The following CHD2 variants were observed in gnomAD, a reference collection of about 807,000 sequenced individuals.
CHD2 encodes the protein chromodomain helicase DNA binding protein 2, also known as ATP-dependent chromatin remodeler CHD2.
In CHD2, 28 loss-of-function variants were observed where a neutral mutation model predicts 243.9. The ratio of observed to expected loss-of-function variants is 0.11; its 90% CI spans 0.09 to 0.16. The LOEUF (loss-of-function observed/expected upper bound fraction) is 0.16. CHD2 is among the 10% of genes least tolerant of loss of function. The probability of loss-of-function intolerance (pLI) is 1.00; values close to 1 mark genes in which losing one functional copy is unlikely to be tolerated. For synonymous variants in CHD2, 775 were observed against 779.0 expected (o/e 0.99, Z 0.09); for missense variants, 1,386 against 2,209.8 (o/e 0.63, Z 7.47).
At position 93,015,235 on chromosome 15, in the gene CHD2, C is replaced by G. The variant is rs528614590; in HGVS notation, c.4906+326C>G. On this transcript the variant is annotated intron_variant, in intron 37 of 38. Transcript: ENST00000394196. ...CTGGGATTACAGATGTGCACCACCA[C>G]GCTGAGCTAATTTTTAAATTTTTAG... Among the ~76,000 whole-genome samples the G allele has an allele frequency of 2.0e-5, 3 of 152,234 alleles. No homozygotes were observed. In the South Asian group the frequency reaches 6.2e-4, roughly 32 times the overall value.
chr15:93,002,909 T>C (rs1264164693), intron 33 of CHD2, among the ~76,000 whole-genome samples: 1 of 152,198 alleles, frequency 6.6e-6, no homozygotes, highest in East Asian at 1.9e-4. Context: ...TCTAATAGAT[T>C]TCTTGATAAG....
At position 92,942,855 on chromosome 15, in the gene CHD2, C is replaced by T; in HGVS notation, c.839C>T (p.Ser280Phe). The T allele has an allele frequency of 6.2e-7, 1 of 1,610,428 alleles. No homozygotes were observed. The highest frequency in any genetic ancestry group is 1.1e-5 in the South Asian group (1 of 90,450). Residue 280 changes from serine to phenylalanine, a missense_variant, in exon 9 of 39, where the codon TCT becomes TTT. Coordinates refer to ENST00000394196, the MANE Select transcript of CHD2 (RefSeq NM_001271.4). ...RLGKKGATGA[S>F]TTVYAIEANG... ...AATCCTTTTGCAGCCACTGGAGCAT[C>T]TACTACTGTATATGCGATTGAAGCT...
At chr15:92,912,053 G>A (rs932580880) in intron 2 of CHD2, among the ~76,000 whole-genome samples, 4 of 152,254 alleles carry the variant, frequency 2.6e-5, no homozygotes, top group South Asian at 2.1e-4. Context: ...TGGAGGCCTC[G>A]GAACTTCACC....
At chr15:92,929,226 A>G in intron 5 of CHD2, 135 bp downstream of exon 5, 3 of 758,206 alleles carry the variant, frequency 4.0e-6, no homozygotes, top group South Asian at 3.6e-5. Context: ...AGCTCGGGTG[A>G]CTGTCTACCT....
intron 21 of CHD2, 24 bp from the exon 22 acceptor site, chr15:92,979,111 G>A (rs1214248965): frequency 1.9e-6 from 3 of 1,612,498 alleles, no homozygotes; most frequent in African/African-American, 1.3e-5. Context: ...TCAGGCATAA[G>A]CATAACAGTT....
chr15:92,978,988 TGG>T, intron 21 of CHD2, 145 bp from the exon 22 acceptor site: 1 of 979,838 alleles, frequency 1.0e-6, no homozygotes, highest in South Asian at 1.7e-5. Flanking sequence ...GCTGCCTGCT[TGG>T]ATGGCTTACA....
chr15:92,907,230 T>A (rs916215478), intron 2 of CHD2, among the ~76,000 whole-genome samples: 1 of 152,226 alleles, frequency 6.6e-6, no homozygotes, highest in Non-Finnish European at 1.5e-5. Context: ...AAATAAATGA[T>A]GGAGGACATA....
rs777471469 is a variant in CHD2 at position 93,004,764 on chromosome 15, A to T, written c.4413+13A>T. ...GACATTCAGCATAGTAAGTCTTGAA[A>T]TCGGGGGGTGCCAGTGTCTGCAGCC... On this transcript the variant is annotated intron_variant, in intron 34 of 38. Coordinates refer to ENST00000394196, the MANE Select transcript of CHD2 (RefSeq NM_001271.4). 25 of 1,609,072 alleles carry T rather than the reference A, an allele frequency of 1.6e-5. No homozygotes were observed. In the South Asian group the frequency reaches 2.6e-4, roughly 16 times the overall value.
chr15:92,978,551 A>G (rs969697841), intron 21 of CHD2, among the ~76,000 whole-genome samples, 168 bp downstream of exon 21: 1 of 152,232 alleles, frequency 6.6e-6, no homozygotes, highest in East Asian at 1.9e-4. Flanking sequence ...TTTGGGCCCA[A>G]GATGAACCTA....
chr15:92,901,517 T>TAA (rs932892379), intron 2 of CHD2: 4 of 578,774 alleles, frequency 6.9e-6, no homozygotes, highest in African/African-American at 3.8e-5. Context: ...TAAGGCCTCT[T>TAA]ACAGCAGTCA....
Position 92,924,414 on chromosome 15 carries a change from G to A in CHD2, c.156G>A (p.Glu52=). The A allele has an allele frequency of 1.2e-6, 2 of 1,614,176 alleles. No individual in the cohort carries two copies. The highest frequency in any genetic ancestry group is 1.7e-6 in the Non-Finnish European group (2 of 1,180,034). The part of the protein sequence containing the change: ...GSDPGSGHGS[E]SNSSSESSES... The stretch of plus-strand genomic sequence containing the variant: ...ATCCAGGAAGTGGACATGGCAGCGA[G>A]TCGAACAGCAGCTCTGAATCTTCTG... The change falls in exon 3 of 39, where the codon GAG becomes GAA. Residue 52 remains glutamate, a synonymous_variant. Transcript: ENST00000394196.
At position 92,918,015 on chromosome 15, in the gene CHD2, G is replaced by C. The variant is rs140948328; in HGVS notation, c.63-6306G>C. Among the ~76,000 whole-genome samples, 973 of 152,234 alleles carry C rather than the reference G, an allele frequency of 6.4e-3. 3 individuals carry two copies. The highest frequency in any genetic ancestry group is 0.024 in the Middle Eastern group (7 of 294). ...AACACTAAGCTCTGCCAACCAGTTC[G>C]GCCATTTTGTAAGTTAGCAAAATAA... is the stretch of plus-strand genomic sequence containing the variant. On this transcript the variant is annotated intron_variant, in intron 2 of 38. Transcript: ENST00000394196.
intron 33 of CHD2, among the ~76,000 whole-genome samples, 186 bp downstream of exon 33, chr15:93,002,503 G>C (rs1454445597): frequency 6.6e-6 from 1 of 152,224 alleles, no homozygotes; most frequent in Non-Finnish European, 1.5e-5. Flanking sequence ...GAACCTGCAA[G>C]TTTGGGGTGT....
chr15:93,018,683 C>G (rs78210042), intron 37 of CHD2, among the ~76,000 whole-genome samples: 7,972 of 152,284 alleles, frequency 0.052, 298 homozygotes, highest in South Asian at 0.084. Context: ...AAAAGCTGTT[C>G]CATGCCTCTC....
intron 16 of CHD2, among the ~76,000 whole-genome samples, chr15:92,959,084 T>C (rs1013004978): frequency 6.6e-6 from 1 of 152,266 alleles, no homozygotes; most frequent in Non-Finnish European, 1.5e-5. Context: ...GAAAAAGTTA[T>C]TGATTTTGAT....
intron 3 of CHD2, among the ~76,000 whole-genome samples, chr15:92,925,282 T>G (rs1440722769): frequency 6.6e-6 from 1 of 152,188 alleles, no homozygotes; most frequent in East Asian, 1.9e-4. Context: ...TTTCACATGG[T>G]AGCTCTCTGT....
At chr15:92,974,474 G>GC (rs1360201850) in intron 19 of CHD2, among the ~76,000 whole-genome samples, 3 of 152,164 alleles carry the variant, frequency 2.0e-5, no homozygotes, top group Non-Finnish European at 2.9e-5. Flanking sequence ...AGCCACATTA[G>GC]CTAAGAAGCA....
rs373929641 is a variant in CHD2, at chr15:92,919,784, T to C, written c.63-4537T>C. On this transcript the variant is annotated intron_variant, in intron 2 of 38. Transcript: ENST00000394196. ...GCCCTTGGTTTGGATTTGGCTCTCATGATTAGACTTACTTTAGACAATTAA... is the reference window on the plus strand; with the variant it reads ...GCCCTTGGTTTGGATTTGGCTCTCACGATTAGACTTACTTTAGACAATTAA... Among the ~76,000 whole-genome samples the C allele has an allele frequency of 5.3e-5, 8 of 152,224 alleles. No individual in the cohort carries two copies. The East Asian group carries it at 9.6e-4, about 18-fold the overall frequency.
In CHD2 at chr15:92,937,628, G is replaced by A. The variant is rs2141773591; in HGVS notation, c.551+3G>A. 2 of 1,606,840 alleles carry A rather than the reference G, an allele frequency of 1.2e-6. No individual in the cohort carries two copies. The highest frequency in any genetic ancestry group is 1.7e-6 in the Non-Finnish European group (2 of 1,174,852). On this transcript the variant is annotated splice_donor_region_variant and intron_variant, in intron 6 of 38. Coordinates refer to ENST00000394196, the MANE Select transcript of CHD2 (RefSeq NM_001271.4). Reference sequence around the variant, plus strand: ...GCCAGAAGACCTGTCCCCAGAAGGTGCACTGTTTGCTTAAGATCTCTACTT... The same window carrying A: ...GCCAGAAGACCTGTCCCCAGAAGGTACACTGTTTGCTTAAGATCTCTACTT...
Sources: gnomAD v4.1 joint callset for allele counts (sites outside exome capture counted in the v4.1 genomes callset) on GRCh38, gnomAD v4.1.1 for gene constraint, MANE v1.5 for transcripts, NCBI Gene and HGNC (gene_info 2026-07-23, HGNC 2026-07-21) for gene names.